ROS1: variants seen among roughly 807,000 people sequenced by gnomAD.
ROS1 encodes the protein proto-oncogene tyrosine-protein kinase ROS.
Under a neutral mutation model 273.5 loss-of-function variants are expected in ROS1, and 263 were observed. That is an observed-to-expected ratio of 0.96 (90% CI 0.87 to 1.06). ROS1 has a LOEUF of 1.06. Among genes scored for constraint, ROS1 ranks in the 50% least tolerant of loss-of-function variants. ROS1 has a pLI of 0.00. For synonymous variants in ROS1, 1,008 were observed against 954.1 expected (o/e 1.06, Z -1.04); for missense variants, 2,833 against 2,751.1 (o/e 1.03, Z -0.67).
chr6:117,416,476 G>A (rs892418080), intron 2 of ROS1, among the ~76,000 whole-genome samples, 159 bp from the exon 3 acceptor site: 1 of 152,192 alleles, frequency 6.6e-6, no homozygotes, highest in Non-Finnish European at 1.5e-5. Flanking sequence ...AGGATTTTGG[G>A]ATTCCAAACA....
chr6:117,344,530 A>G (rs993180953), intron 27 of ROS1, among the ~76,000 whole-genome samples: 1 of 152,140 alleles, frequency 6.6e-6, no homozygotes, highest in African/African-American at 2.4e-5. Flanking sequence ...AAGTTCATAT[A>G]TATCTGATAT....
chr6:117,317,305 T>A (rs376907584), intron 38 of ROS1, 33 bp from the exon 39 acceptor site: 2 of 1,598,086 alleles, frequency 1.3e-6, no homozygotes, highest in Non-Finnish European at 1.7e-6. Flanking sequence ...CTGGATGATA[T>A]GACAGAAGCA....
At chr6:117,294,743 A>G (rs140791871) in intron 43 of ROS1, among the ~76,000 whole-genome samples, 1 of 152,298 alleles carries the variant, frequency 6.6e-6, no homozygotes, top group African/African-American at 2.4e-5. Flanking sequence ...ACCTAGGAAT[A>G]TATTAACCAA....
chr6:117,355,618 T>G (rs1277305002), intron 26 of ROS1, among the ~76,000 whole-genome samples: 7 of 150,002 alleles, frequency 4.7e-5, no homozygotes, highest in African/African-American at 7.4e-5. Context: ...TAATTTTAGT[T>G]TTTTTTTTTT....
chr6:117,295,768 T>C (rs1439664121), intron 43 of ROS1, among the ~76,000 whole-genome samples: 4 of 152,126 alleles, frequency 2.6e-5, no homozygotes, highest in African/African-American at 9.7e-5. Context: ...ATCACAGAAA[T>C]GCAAACCAAA....
At chr6:117,394,789 T>A in intron 9 of ROS1, 51 bp from the exon 10 acceptor site, 1 of 1,506,550 alleles carries the variant, frequency 6.6e-7, no homozygotes, top group South Asian at 1.4e-5. Context: ...ACAGGTACAC[T>A]AACAGACACA....
rs1418845988 is a variant in ROS1, at chr6:117,356,916, C to G, written c.3840-1G>C. ...GGAAACTTCTGTCCAATACAAGCGA[C>G]TATAGAGGAAAAAAAAGTCCCCCCA... On this transcript the variant is annotated splice_acceptor_variant, in intron 25 of 43. Coordinates refer to ENST00000368507, the MANE Select transcript of ROS1 (RefSeq NM_001378902.1). LOFTEE classifies it high-confidence loss of function. 7 of 1,599,764 alleles carry G rather than the reference C, an allele frequency of 4.4e-6. No individual in the cohort carries two copies. Among genetic ancestry groups the G allele is most frequent in the Non-Finnish European group, 6.0e-6 (7 of 1,174,916 alleles).
chr6:117,399,305 A>G (rs1773760996), intron 7 of ROS1, among the ~76,000 whole-genome samples: 1 of 152,244 alleles, frequency 6.6e-6, no homozygotes, highest in East Asian at 1.9e-4. Context: ...TGGATAACAT[A>G]TGGCATTGCT....
At chr6:117,374,156 G>A (rs1225528322) in intron 18 of ROS1, among the ~76,000 whole-genome samples, 1 of 151,984 alleles carries the variant, frequency 6.6e-6, no homozygotes, top group African/African-American at 2.4e-5. Context: ...AATGCATGTG[G>A]AACCAAAAAA....
intron 39 of ROS1, among the ~76,000 whole-genome samples, chr6:117,316,382 C>T (rs563903066): frequency 6.6e-6 from 1 of 152,120 alleles, no homozygotes; most frequent in East Asian, 1.9e-4. Flanking sequence ...AATTTTTTAG[C>T]CATATGATGT....
intron 7 of ROS1, among the ~76,000 whole-genome samples, chr6:117,402,157 G>A (rs139890454): frequency 5.8e-4 from 89 of 152,226 alleles, no homozygotes; most frequent in Admixed American, 1.9e-3. Context: ...TCCTTACCAA[G>A]ATCCCTGAGG....
chr6:117,378,045 T>C (rs1317044142), intron 18 of ROS1, among the ~76,000 whole-genome samples: 3 of 152,170 alleles, frequency 2.0e-5, no homozygotes, highest in African/African-American at 7.2e-5. Context: ...TGAGAGGATA[T>C]GGAAGAACCA....
At chr6:117,306,861 C>T (rs1048973442) in intron 42 of ROS1, among the ~76,000 whole-genome samples, 11 of 152,212 alleles carry the variant, frequency 7.2e-5, no homozygotes, top group East Asian at 1.9e-4. Context: ...TGGTTGGCAA[C>T]GGATCTTTAA....
chr6:117,312,521 T>A (rs1582586363), intron 39 of ROS1, among the ~76,000 whole-genome samples: 1 of 152,114 alleles, frequency 6.6e-6, no homozygotes, highest in African/African-American at 2.4e-5. Context: ...AATGGTTCAC[T>A]GGTTCCTGTG....
rs534061815 is a variant in ROS1, at chr6:117,318,398, A to G, written c.5923-146T>C. 329 of 633,218 alleles carry G rather than the reference A, an allele frequency of 5.2e-4. 5 individuals are homozygous for G. In the South Asian group the frequency reaches 6.3e-3, roughly 12 times the overall value. The allele number at this position is 633,218 out of a possible 1,614,324, so 39.2% of individuals were successfully genotyped here. On this transcript the variant is annotated intron_variant, in intron 37 of 43. Coordinates refer to ENST00000368507, the MANE Select transcript of ROS1 (RefSeq NM_001378902.1). ...TAGATAAAACATGTGCATGTATTCTACAAACCCTTCAAATGTTACCTCCTG... is the reference window on the plus strand; with the variant it reads ...TAGATAAAACATGTGCATGTATTCTGCAAACCCTTCAAATGTTACCTCCTG...
rs985295366 is a variant in ROS1 at position 117,287,715 on chromosome 6, T to C, written c.*777A>G. On this transcript the variant is annotated 3_prime_UTR_variant, in exon 44 of 44. Transcript: ENST00000368507. ...GGCAGGTGGATCCCGAGGTCAGGAG[T>C]TCTAGACCAGCCTGGCCAATATGGT... Among the ~76,000 whole-genome samples the C allele has an allele frequency of 4.0e-5, 6 of 151,722 alleles. No individual in the cohort carries two copies. In the East Asian group the frequency reaches 9.7e-4, roughly 25 times the overall value.
At position 117,388,005 on chromosome 6, in the gene ROS1, G is replaced by A. The variant is rs775792027; in HGVS notation, c.1787-13C>T. 14 of 1,614,140 alleles carry A rather than the reference G, an allele frequency of 8.7e-6. No homozygotes were observed. The highest frequency in any genetic ancestry group is 1.2e-5 in the Non-Finnish European group (14 of 1,180,000). ...CAGGCAGAAGGGCCTAATTCAAAGA[G>A]TTCAATAATATCACTGATCAGGATG... On this transcript the variant is annotated splice_polypyrimidine_tract_variant and intron_variant, in intron 13 of 43. Transcript: ENST00000368507.
intron 6 of ROS1, among the ~76,000 whole-genome samples, 173 bp downstream of exon 6, chr6:117,404,107 C>T (rs1774187011): frequency 6.6e-6 from 1 of 152,032 alleles, no homozygotes; most frequent in African/African-American, 2.4e-5. Flanking sequence ...CGATGGCGGG[C>T]GCCTGTGGGC....
chr6:117,311,879 T>C (rs1207985428), intron 39 of ROS1, among the ~76,000 whole-genome samples: 2 of 152,130 alleles, frequency 1.3e-5, no homozygotes, highest in Non-Finnish European at 2.9e-5. Context: ...TGTCTGTCCC[T>C]TTCCATTGTC....
Sources: gnomAD v4.1 joint callset for allele counts (sites outside exome capture counted in the v4.1 genomes callset) on GRCh38, gnomAD v4.1.1 for gene constraint, MANE v1.5 for transcripts, NCBI Gene and HGNC (gene_info 2026-07-23, HGNC 2026-07-21) for gene names.